Variants in NEXN observed in about 807,000 individuals in gnomAD.
NEXN encodes the protein nexilin.
NEXN carries 65 observed loss-of-function variants against 92.6 expected under a neutral mutation model. That is an observed-to-expected ratio of 0.70 (90% CI 0.57 to 0.86). The LOEUF (loss-of-function observed/expected upper bound fraction) is 0.86. NEXN is among the 40% of genes least tolerant of loss of function. NEXN has a pLI of 0.00. For synonymous variants in NEXN, 254 were observed against 242.5 expected (o/e 1.05, Z -0.44); for missense variants, 778 against 771.1 (o/e 1.01, Z -0.11).
chr1:77,921,739 G>A (rs1355735683), intron 5 of NEXN, among the ~76,000 whole-genome samples: 4 of 151,976 alleles, frequency 2.6e-5, no homozygotes, highest in African/African-American at 9.7e-5. Context: ...CTAAAACCCT[G>A]TCACTACAAA....
chr1:77,932,632 A>G (rs1171622639), intron 9 of NEXN, among the ~76,000 whole-genome samples: 4 of 152,240 alleles, frequency 2.6e-5, no homozygotes, highest in Non-Finnish European at 5.9e-5. Context: ...CAATTAAAAA[A>G]TGTTCTCAAA....
chr1:77,942,505 C>T lies in NEXN; in HGVS notation c.1704C>T (p.Gly568=), dbSNP rs397517850. Residue 568 remains glycine, a synonymous_variant, in exon 13 of 13, where the codon GGC becomes GGT. Coordinates refer to ENST00000334785, the MANE Select transcript of NEXN (RefSeq NM_144573.4). ...EEEEEGSIMN[G]STAEDEEQTR... is the part of the protein sequence containing the mutation. ...AGGAAGAAGGTAGCATCATGAATGG[C>T]TCCACTGCTGAAGATGAAGAGCAAA... The T allele has an allele frequency of 6.2e-7, 1 of 1,613,840 alleles. No individual in the cohort carries two copies. The highest frequency in any genetic ancestry group is 1.3e-5 in the African/African-American group (1 of 75,014).
intron 11 of NEXN, among the ~76,000 whole-genome samples, chr1:77,940,750 A>G (rs75368524): frequency 0.012 from 1,787 of 152,348 alleles, 30 homozygotes; most frequent in African/African-American, 0.042. Context: ...ATGAAACTAC[A>G]GTAAGCAAAT....
At chr1:77,938,183 A>C (rs1650936353) in intron 11 of NEXN, among the ~76,000 whole-genome samples, 1 of 152,210 alleles carries the variant, frequency 6.6e-6, no homozygotes, top group South Asian at 2.1e-4. Flanking sequence ...ATTTGCATCT[A>C]AGCTTGTGTG....
At chr1:77,915,489 C>T (rs1295109059) in intron 1 of NEXN, among the ~76,000 whole-genome samples, 3 of 152,030 alleles carry the variant, frequency 2.0e-5, no homozygotes, top group Admixed American at 6.6e-5. Flanking sequence ...ATTAGCCGGA[C>T]GTGGCGGCAC....
intron 5 of NEXN, among the ~76,000 whole-genome samples, chr1:77,923,177 T>C (rs2102112305): frequency 6.7e-6 from 1 of 149,400 alleles, no homozygotes; most frequent in East Asian, 2.0e-4. Flanking sequence ...TTTTTTTTTT[T>C]TTGTAGAGAG....
At chr1:77,923,956 G>A (rs905612465) in intron 5 of NEXN, among the ~76,000 whole-genome samples, 4 of 152,106 alleles carry the variant, frequency 2.6e-5, no homozygotes, top group Admixed American at 1.3e-4. Flanking sequence ...GATTATAGGC[G>A]TGAGCCATTG....
chr1:77,930,215 T>A (rs1650179678), intron 9 of NEXN, among the ~76,000 whole-genome samples: 1 of 152,228 alleles, frequency 6.6e-6, no homozygotes, highest in South Asian at 2.1e-4. Context: ...CACACACATA[T>A]GTCCAAGTGT....
At chr1:77,904,409 T>C (rs1647945224) in intron 1 of NEXN, among the ~76,000 whole-genome samples, 1 of 152,224 alleles carries the variant, frequency 6.6e-6, no homozygotes, top group Admixed American at 6.5e-5. Context: ...AGACTAATAA[T>C]CTGCTATAAA....
intron 1 of NEXN, among the ~76,000 whole-genome samples, chr1:77,892,820 G>A (rs1044583558): frequency 6.6e-6 from 1 of 151,856 alleles, no homozygotes; most frequent in Admixed American, 6.6e-5. Flanking sequence ...GAAAGCATGG[G>A]GAAGATATTT....
rs527933857 is a variant in NEXN at position 77,899,603 on chromosome 1, A to G, written c.-53+10844A>G. Among the ~76,000 whole-genome samples the G allele has an allele frequency of 2.0e-5, 3 of 152,264 alleles. No homozygotes were observed. In the East Asian group the frequency reaches 5.8e-4, roughly 29 times the overall value. On this transcript the variant is annotated intron_variant, in intron 1 of 12. Transcript: ENST00000334785. Reference sequence around the variant, plus strand: ...CAGCACACCAACATGGCACATGTATACATATGTAACAAACTTGCACATTGT... The same window carrying G: ...CAGCACACCAACATGGCACATGTATGCATATGTAACAAACTTGCACATTGT...
chr1:77,935,763 G>C (rs1650697847), intron 10 of NEXN, 60 bp from the exon 11 acceptor site: 2 of 1,489,804 alleles, frequency 1.3e-6, no homozygotes. Context: ...GGCCAGCCTT[G>C]GCAACATAGT....
At chr1:77,925,101 C>A in intron 5 of NEXN, 87 bp from the exon 6 acceptor site, 2 of 840,418 alleles carry the variant, frequency 2.4e-6, no homozygotes, top group Non-Finnish European at 3.9e-6. Flanking sequence ...TACTATAAGT[C>A]ACAACTAAAT....
chr1:77,930,178 G>T (rs1650177336), intron 9 of NEXN, among the ~76,000 whole-genome samples: 1 of 152,130 alleles, frequency 6.6e-6, no homozygotes, highest in Admixed American at 6.5e-5. Context: ...TCGTAACCTG[G>T]TTTTCTTCCT....
At chr1:77,925,136 C>A in intron 5 of NEXN, 52 bp from the exon 6 acceptor site, 1 of 1,268,182 alleles carries the variant, frequency 7.9e-7, no homozygotes, top group East Asian at 2.3e-5. Context: ...TGTTTAAAAG[C>A]AAAAAGTAGA....
chr1:77,921,753 T>TA (rs953146021), intron 5 of NEXN, among the ~76,000 whole-genome samples: 2 of 151,600 alleles, frequency 1.3e-5, no homozygotes, highest in East Asian at 2.0e-4. Context: ...CTACAAAAAT[T>TA]AAAAAAAATT....
At chr1:77,929,852 GCCA>G (rs1650150479) in intron 9 of NEXN, among the ~76,000 whole-genome samples, 1 of 152,008 alleles carries the variant, frequency 6.6e-6, no homozygotes, top group Non-Finnish European at 1.5e-5. Flanking sequence ...CCATTCTTTC[GCCA>G]CCTCCTTCCC....
intron 8 of NEXN, among the ~76,000 whole-genome samples, chr1:77,928,559 T>C (rs1169619811): frequency 6.6e-6 from 1 of 151,996 alleles, no homozygotes; most frequent in African/African-American, 2.4e-5. Flanking sequence ...ATTGATATTA[T>C]AGTAAATTTA....
In NEXN at chr1:77,943,091, T is replaced by C. The variant is rs1009432982; in HGVS notation, c.*262T>C. On this transcript the variant is annotated 3_prime_UTR_variant, in exon 13 of 13. Transcript: ENST00000334785. The stretch of plus-strand genomic sequence containing the variant: ...AAAGAATGCCTACTTCTTTTCCAAA[T>C]AAGCATCAGATTTATCGCCTATTAT... 2.2e-6 allele frequency: 1 copy of C among 452,548 alleles called. No homozygotes were observed. The highest frequency in any genetic ancestry group is 2.0e-5 in the African/African-American group (1 of 49,730). The allele number at this position is 452,548 out of a possible 1,614,324, so 28.0% of individuals were successfully genotyped here. A position where few individuals can be genotyped will look rare whatever the true frequency, so the allele number is the denominator to read the frequency against.
Sources: gnomAD v4.1 joint callset for allele counts (sites outside exome capture counted in the v4.1 genomes callset) on GRCh38, gnomAD v4.1.1 for gene constraint, MANE v1.5 for transcripts, NCBI Gene and HGNC (gene_info 2026-07-23, HGNC 2026-07-21) for gene names.